GRIK2: variants seen among roughly 807,000 people sequenced by gnomAD.
GRIK2 encodes glutamate ionotropic receptor kainate type subunit 2.
In GRIK2, 32 loss-of-function variants were observed where a neutral mutation model predicts 100.3. The ratio of observed to expected loss-of-function variants is 0.32; its 90% CI spans 0.24 to 0.43. The LOEUF (loss-of-function observed/expected upper bound fraction) is 0.43. GRIK2 is among the 20% of genes least tolerant of loss of function. GRIK2 has a pLI of 1.00. For missense variants in GRIK2, 843 were observed against 1,114.9 expected (o/e 0.76, Z 3.47); for synonymous variants, 417 against 389.4 (o/e 1.07, Z -0.83).
chr6:102,063,533 A>T (rs981567484), intron 16 of GRIK2, among the ~76,000 whole-genome samples: 3 of 150,892 alleles, frequency 2.0e-5, no homozygotes, highest in African/African-American at 7.2e-5. Flanking sequence ...TATGTCAATT[A>T]TCAATGTGGA....
At chr6:101,939,759 T>A (rs2128475205) in intron 14 of GRIK2, among the ~76,000 whole-genome samples, 1 of 152,228 alleles carries the variant, frequency 6.6e-6, no homozygotes, top group East Asian at 1.9e-4. Flanking sequence ...GTCAGCCTTC[T>A]CTTTCAAAAC....
At chr6:101,915,391 TAAAA>T (rs933055086) in intron 12 of GRIK2, among the ~76,000 whole-genome samples, 10 of 151,230 alleles carry the variant, frequency 6.6e-5, no homozygotes, top group African/African-American at 2.2e-4. Context: ...AGTAAAAAAT[TAAAA>T]AAACAAGCAA....
In GRIK2 at chr6:101,445,425, C is replaced by G. The variant is rs1582466794; in HGVS notation, c.115+46033C>G. Among the ~76,000 whole-genome samples, 4 of 152,164 alleles carry G rather than the reference C, an allele frequency of 2.6e-5. 1 individual carries two copies. Among genetic ancestry groups the G allele is most frequent in the African/African-American group, 9.6e-5 (4 of 41,550 alleles). On this transcript the variant is annotated intron_variant, in intron 2 of 16. Transcript: ENST00000369134. ...ATCTTACTCCAACTTCCATAATGAA[C>G]TTCTCATTTATCTCCTCCCCCGAGT...
chr6:101,955,208 C>T (rs1225253411), intron 14 of GRIK2, among the ~76,000 whole-genome samples: 3 of 151,904 alleles, frequency 2.0e-5, no homozygotes, highest in Non-Finnish European at 4.4e-5. Flanking sequence ...TTGACACTGG[C>T]CTCATGGAGT....
intron 14 of GRIK2, among the ~76,000 whole-genome samples, chr6:102,013,904 C>G (rs1157548697): frequency 6.6e-6 from 1 of 151,850 alleles, no homozygotes; most frequent in African/African-American, 2.4e-5. Flanking sequence ...TTTTGTTGTA[C>G]CTCTGCCAGG....
chr6:101,950,420 T>C lies in GRIK2; in HGVS notation c.2085+21788T>C, dbSNP rs1378806637. Among the ~76,000 whole-genome samples, 5 of 152,324 alleles carry C rather than the reference T, an allele frequency of 3.3e-5. No individual in the cohort carries two copies. In the East Asian group the frequency reaches 9.7e-4, roughly 29 times the overall value. The stretch of plus-strand genomic sequence containing the variant: ...TGAAAGCAGGCCTACATGCAAACTT[T>C]GTAGTCCAGTTATCAATCTCAGGAT... On this transcript the variant is annotated intron_variant, in intron 14 of 16. Transcript: ENST00000369134.
chr6:101,593,475 C>T (rs1778773901), intron 2 of GRIK2, among the ~76,000 whole-genome samples: 1 of 151,876 alleles, frequency 6.6e-6, no homozygotes, highest in Admixed American at 6.6e-5. Flanking sequence ...ATGAGCTAGG[C>T]AGGACAGGAA....
At chr6:101,642,700 GT>G (rs2075536418) in intron 4 of GRIK2, among the ~76,000 whole-genome samples, 1 of 151,548 alleles carries the variant, frequency 6.6e-6, no homozygotes, top group African/African-American at 2.4e-5. Context: ...ATGGACATGG[GT>G]AAACAAATAT....
intron 7 of GRIK2, among the ~76,000 whole-genome samples, chr6:101,697,700 A>G (rs757802591): frequency 3.9e-5 from 6 of 151,962 alleles, no homozygotes; most frequent in African/African-American, 4.8e-5. Context: ...TGAGAGCAAG[A>G]GTTTTGTAAT....
chr6:101,617,403 T>A (rs1481482876), intron 2 of GRIK2, among the ~76,000 whole-genome samples: 2 of 151,868 alleles, frequency 1.3e-5, no homozygotes, highest in African/African-American at 4.8e-5. Context: ...TTTGTGAGAT[T>A]CATCTCATGT....
intron 2 of GRIK2, among the ~76,000 whole-genome samples, chr6:101,413,351 G>T (rs1039031785): frequency 2.1e-4 from 32 of 152,132 alleles, no homozygotes; most frequent in Admixed American, 1.7e-3. Context: ...AATGCTTTAT[G>T]TGTTGATTGT....
intron 2 of GRIK2, among the ~76,000 whole-genome samples, chr6:101,503,140 G>T (rs867330794): frequency 1.2e-4 from 19 of 152,164 alleles, no homozygotes; most frequent in Admixed American, 4.6e-4. Flanking sequence ...GGTCAGTCAT[G>T]TCAAACTCTG....
chr6:101,556,321 A>ATTTTTTTTTTTTTGTTTTTT (rs1776737415), intron 2 of GRIK2, among the ~76,000 whole-genome samples: 1 of 59,396 alleles, frequency 1.7e-5, no homozygotes, highest in African/African-American at 5.6e-5. Flanking sequence ...TATATTGGTA[A>ATTTTTTTTTTTTTGTTTTTT]TTTTTTTTTT....
At chr6:101,777,146 A>T (rs1002079375) in intron 7 of GRIK2, among the ~76,000 whole-genome samples, 1 of 152,250 alleles carries the variant, frequency 6.6e-6, no homozygotes, top group Non-Finnish European at 1.5e-5. Context: ...CAGAGAAAGC[A>T]TAATGGCAGC....
chr6:101,537,428 TTGTG>T (rs1562209213), intron 2 of GRIK2, among the ~76,000 whole-genome samples: 4 of 135,720 alleles, frequency 2.9e-5, no homozygotes, highest in East Asian at 2.1e-4. Flanking sequence ...GTGTGTGTGT[TTGTG>T]TGTGTGTGTT....
At chr6:101,967,239 C>T (rs913517057) in intron 14 of GRIK2, among the ~76,000 whole-genome samples, 2 of 151,686 alleles carry the variant, frequency 1.3e-5, no homozygotes, top group African/African-American at 4.8e-5. Context: ...ATTAAATTGC[C>T]TACTTGTATA....
At chr6:101,673,429 A>T (rs1770585125) in intron 4 of GRIK2, among the ~76,000 whole-genome samples, 1 of 152,146 alleles carries the variant, frequency 6.6e-6, no homozygotes, top group South Asian at 2.1e-4. Context: ...CCAAGTGGGC[A>T]CTTTTCACAG....
intron 12 of GRIK2, among the ~76,000 whole-genome samples, chr6:101,900,870 C>T (rs1787801715): frequency 6.6e-6 from 1 of 150,880 alleles, no homozygotes; most frequent in Non-Finnish European, 1.5e-5. Flanking sequence ...GCTTCAAGTC[C>T]TTGTTGATAA....
At chr6:101,551,860 C>T (rs1324356649) in intron 2 of GRIK2, among the ~76,000 whole-genome samples, 3 of 152,140 alleles carry the variant, frequency 2.0e-5, no homozygotes, top group Non-Finnish European at 2.9e-5. Context: ...CTAGACAAAA[C>T]ATTATTATGT....
Sources: gnomAD v4.1 joint callset for allele counts (sites outside exome capture counted in the v4.1 genomes callset) on GRCh38, gnomAD v4.1.1 for gene constraint, MANE v1.5 for transcripts, NCBI Gene and HGNC (gene_info 2026-07-23, HGNC 2026-07-21) for gene names.